The following DSE variants were observed in gnomAD, a reference collection of about 807,000 sequenced individuals.
DSE encodes the protein dermatan sulfate epimerase, also known as dermatan-sulfate epimerase.
In DSE, 36 loss-of-function variants were observed where a neutral mutation model predicts 84.4. That is an observed-to-expected ratio of 0.43 (90% confidence interval 0.33 to 0.56). DSE has a LOEUF of 0.56. DSE is among the 20% of genes least tolerant of loss of function. The probability of loss-of-function intolerance (pLI) is 0.06; values close to 1 mark genes in which losing one functional copy is unlikely to be tolerated. For synonymous variants in DSE, 410 were observed against 430.1 expected, an observed-to-expected ratio of 0.95 and a Z score of 0.58; for missense variants, 862 against 1,169.6, an observed-to-expected ratio of 0.74 and a Z score of 3.84.
intron 2 of DSE, among the ~76,000 whole-genome samples, chr6:116,302,353 T>C (rs1182081853): frequency 1.3e-5 from 2 of 152,212 alleles, no homozygotes; most frequent in South Asian, 2.1e-4. Flanking sequence ...TGGTATCTCA[T>C]TGTGGTTTTG....
intron 2 of DSE, among the ~76,000 whole-genome samples, chr6:116,425,620 T>A (rs537203150): frequency 0.019 from 1,458 of 76,854 alleles, 38 homozygotes; most frequent in African/African-American, 0.053. Flanking sequence ...TTTATTTTTA[T>A]TTTATTTTAT....
intron 2 of DSE, among the ~76,000 whole-genome samples, chr6:116,330,330 A>T (rs550274323): frequency 6.6e-6 from 1 of 152,338 alleles, no homozygotes; most frequent in South Asian, 2.1e-4. Flanking sequence ...ATACAGAGGA[A>T]GGCGTATTAA....
At chr6:116,318,466 C>A (rs572605983) in intron 2 of DSE, among the ~76,000 whole-genome samples, 1 of 151,634 alleles carries the variant, frequency 6.6e-6, no homozygotes, top group East Asian at 1.9e-4. Flanking sequence ...TGCACCACTG[C>A]GCTCCAGGCT....
intron 2 of DSE, among the ~76,000 whole-genome samples, chr6:116,358,121 T>C (rs987954332): frequency 3.3e-5 from 5 of 152,364 alleles, no homozygotes; most frequent in Middle Eastern, 3.4e-3. Flanking sequence ...CAAGTCTTCT[T>C]TGCCTTTCTT....
chr6:116,337,942 T>C (rs1777347955), intron 2 of DSE, among the ~76,000 whole-genome samples: 1 of 152,154 alleles, frequency 6.6e-6, no homozygotes, highest in African/African-American at 2.4e-5. Context: ...CTTAGCAGTT[T>C]TGAGGGGCAT....
chr6:116,368,951 G>A (rs982466173), upstream of DSE, among the ~76,000 whole-genome samples: 11 of 150,690 alleles, frequency 7.3e-5, no homozygotes, highest in Non-Finnish European at 1.3e-4. Context: ...GACGGGGGGG[G>A]CTTTGCACAA....
At chr6:116,261,219 C>CTTTATTTATTTA (rs149043767) in intron 2 of DSE, among the ~76,000 whole-genome samples, 47 of 151,474 alleles carry the variant, frequency 3.1e-4, no homozygotes, top group African/African-American at 1.1e-3. Context: ...TTCCTAGGTA[C>CTTTATTTATTTA]TTTATTTATT....
intron 2 of DSE, among the ~76,000 whole-genome samples, chr6:116,363,807 C>A (rs559128747): frequency 6.6e-5 from 10 of 152,312 alleles, no homozygotes; most frequent in African/African-American, 2.4e-4. Context: ...TTTCAAAAAT[C>A]AACCTTATTT....
chr6:116,272,428 A>T (rs1303849842), intron 2 of DSE, among the ~76,000 whole-genome samples: 1 of 152,226 alleles, frequency 6.6e-6, no homozygotes, highest in South Asian at 2.1e-4. Flanking sequence ...AATTTCAAAG[A>T]CAGACGACAC....
intron 2 of DSE, among the ~76,000 whole-genome samples, chr6:116,328,867 A>G (rs1270324364): frequency 6.6e-6 from 1 of 151,212 alleles, no homozygotes; most frequent in Non-Finnish European, 1.5e-5. Flanking sequence ...GGATAAGGAG[A>G]GTAGTTCACC....
At chr6:116,311,968 C>T (rs1287260558) in intron 2 of DSE, among the ~76,000 whole-genome samples, 1 of 152,094 alleles carries the variant, frequency 6.6e-6, no homozygotes, top group Non-Finnish European at 1.5e-5. Flanking sequence ...TTGAAAAAAA[C>T]AATGAGAAAT....
rs1288397702 is a variant in DSE, at chr6:116,441,848, A to C, written c.*4503A>C. On this transcript the variant is annotated 3_prime_UTR_variant, in exon 6 of 6. Coordinates refer to ENST00000644252, the MANE Select transcript of DSE (RefSeq NM_013352.4). ...ATAACATGTTTACAGAGCATCTACT[A>C]TATGCCAAGTATTGTTTTAGGAACT... 1 of 152,250 alleles carries C rather than the reference A, an allele frequency of 6.6e-6. No individual in the cohort carries two copies. Among genetic ancestry groups the C allele is most frequent in the Non-Finnish European group, 1.5e-5 (1 of 68,044 alleles). 9.4% of individuals were successfully genotyped at this position (152,250 alleles called of 1,614,324 possible).
intron 2 of DSE, chr6:116,400,366 A>G (rs1481386493): frequency 6.6e-6 from 1 of 152,340 alleles, no homozygotes; most frequent in Middle Eastern, 3.4e-3. Flanking sequence ...AGATGTTTTT[A>G]CTCATGCAAT....
At chr6:116,279,995 C>G in intron 2 of DSE, 1 of 999,956 alleles carries the variant, frequency 1.0e-6, no homozygotes, top group Non-Finnish European at 1.5e-6. Context: ...TTGCTGAGCC[C>G]GGGATTGGTT....
At chr6:116,310,581 C>A (rs371137392) in intron 2 of DSE, among the ~76,000 whole-genome samples, 7 of 152,172 alleles carry the variant, frequency 4.6e-5, no homozygotes, top group African/African-American at 1.7e-4. Context: ...AAGGAGTCAT[C>A]CTTCATTTCC....
chr6:116,351,110 C>G (rs1354364020), intron 2 of DSE, among the ~76,000 whole-genome samples: 2 of 152,164 alleles, frequency 1.3e-5, no homozygotes, highest in African/African-American at 4.8e-5. Flanking sequence ...TGTGATTAAG[C>G]AAGATTGCTT....
intron 1 of DSE, among the ~76,000 whole-genome samples, chr6:116,395,100 G>A (rs1781154648): frequency 6.6e-6 from 1 of 152,254 alleles, no homozygotes; most frequent in African/African-American, 2.4e-5. Context: ...TTGAGATAGT[G>A]TGTGTGTTTG....
chr6:116,327,170 T>C (rs1776673849), intron 2 of DSE, among the ~76,000 whole-genome samples: 1 of 152,238 alleles, frequency 6.6e-6, no homozygotes, highest in Non-Finnish European at 1.5e-5. Flanking sequence ...CTCCAGCTTA[T>C]AGAGCTCCAT....
At chr6:116,419,453 T>C (rs1782935270) in intron 2 of DSE, among the ~76,000 whole-genome samples, 2 of 152,240 alleles carry the variant, frequency 1.3e-5, no homozygotes, top group South Asian at 4.1e-4. Context: ...GGTTGAAAGT[T>C]AAATGGTTTT....
Sources: allele counts gnomAD v4.1 joint callset (sites outside exome capture counted in the v4.1 genomes callset), GRCh38; gene constraint gnomAD v4.1.1; transcripts MANE v1.5; gene names NCBI Gene and HGNC (gene_info 2026-07-23, HGNC 2026-07-21).